Variants in HAGH observed in about 807,000 individuals in gnomAD.
HAGH encodes hydroxyacylglutathione hydrolase, also known as hydroxyacylglutathione hydrolase, mitochondrial.
A neutral mutation model predicts 35.1 loss-of-function variants in HAGH; 29 were observed. That is an observed-to-expected ratio of 0.83 (90% CI 0.62 to 1.13). The LOEUF is 1.13. HAGH is among the 50% of genes most tolerant of loss of function. HAGH has a pLI of 0.00. For missense variants in HAGH, 478 were observed against 419.6 expected, an observed-to-expected ratio of 1.14 and a Z score of -1.22; for synonymous variants, 225 against 176.1, an observed-to-expected ratio of 1.28 and a Z score of -2.20.
At chr16:1,824,928 G>T (rs567757689) in intron 1 of HAGH, among the ~76,000 whole-genome samples, 3 of 151,732 alleles carry the variant, frequency 2.0e-5, no homozygotes, top group African/African-American at 7.3e-5. Flanking sequence ...GGTGCTGGGG[G>T]CTGCAGGTGG....
intron 7 of HAGH, chr16:1,812,548 TCAGGAATGAAAG>T (rs1596913811): frequency 1.4e-5 from 2 of 146,868 alleles, no homozygotes; most frequent in East Asian, 4.0e-4. Flanking sequence ...ATTGTCAAAA[TCAGGAATGAAAG>T]CAGGAATATC....
intron 7 of HAGH, among the ~76,000 whole-genome samples, chr16:1,813,828 C>T (rs116212606): frequency 1.2e-3 from 187 of 152,360 alleles, no homozygotes; most frequent in African/African-American, 4.2e-3. Flanking sequence ...CATCAAGGTG[C>T]TGTCCTCGGA....
Position 1,826,780 on chromosome 16 carries a change from A to G in HAGH, c.8T>C (p.Val3Ala), listed in dbSNP as rs1022127539. 391 of 1,210,556 alleles carry G rather than the reference A, an allele frequency of 3.2e-4. No homozygotes were observed. The highest frequency in any genetic ancestry group is 3.9e-4 in the Non-Finnish European group (384 of 973,810). 75.0% of individuals were successfully genotyped at this position (1,210,556 alleles called of 1,614,324 possible). MV[V>A]GRGLLGRRSL... is the part of the protein sequence containing the mutation. ...GCGGCGGCCGAGCAGCCCTCGGCCC[A>G]CCACCATGACCCGGGCCGGGCTGGA... The change falls in exon 1 of 9, where the codon GTG (valine) becomes GCG (alanine). Residue 3 changes from valine to alanine, a missense_variant. Val to Ala is a moderately conservative substitution (Grantham distance 64). Coordinates refer to ENST00000397356, the MANE Select transcript of HAGH (RefSeq NM_005326.6).
intron 7 of HAGH, chr16:1,810,872 A>G (rs1389265503): frequency 6.6e-6 from 1 of 152,204 alleles, no homozygotes; most frequent in East Asian, 1.9e-4. Flanking sequence ...GTTTCTCACT[A>G]ATCTGTTCTT....
chr16:1,820,852 C>T (rs1288629877), intron 3 of HAGH, among the ~76,000 whole-genome samples: 2 of 152,194 alleles, frequency 1.3e-5, no homozygotes, highest in African/African-American at 4.8e-5. Context: ...TTGGTCTGCC[C>T]ATCACCACCC....
At chr16:1,817,902 G>C (rs948869887) in intron 5 of HAGH, among the ~76,000 whole-genome samples, 4 of 152,224 alleles carry the variant, frequency 2.6e-5, no homozygotes, top group African/African-American at 9.6e-5. Flanking sequence ...AGTCCCCTGA[G>C]AGGAGGGTGC....
chr16:1,826,847 G>T, upstream of HAGH: 1 of 1,087,764 alleles, frequency 9.2e-7, no homozygotes, highest in Non-Finnish European at 1.2e-6. Context: ...GCGTCGGCGC[G>T]TCGCAGCCAA....
chr16:1,819,161 G>GT lies in HAGH; in HGVS notation c.494dup (p.Tyr165Ter). 6.2e-7 allele frequency: 1 copy of GT among 1,613,340 alleles called. No individual in the cohort carries two copies. Among genetic ancestry groups the GT allele is most frequent in the Non-Finnish European group, 8.5e-7 (1 of 1,179,752 alleles). The change falls in exon 5 of 9, where the codon TAC (tyrosine) becomes TAAC (stop). Residue 165 changes from tyrosine to a stop codon, truncating the protein, a stop_gained and frameshift_variant. Coordinates refer to ENST00000397356, the MANE Select transcript of HAGH (RefSeq NM_005326.6). LOFTEE classifies it high-confidence loss of function. ...TPCHTSGHIC[Y>*]FVSKPGGSEP... ...CCGAGCCTCCGGGCTTGCTCACGAA[G>GT]TAACAAATGTGTCCTGAAGTGTGGC...
At position 1,812,151 on chromosome 16, in the gene HAGH, C is replaced by G. The variant is rs546678545; in HGVS notation, c.748-2318G>C. Reference sequence around the variant, plus strand: ...GTTGCAGTGAGCCGAGATTGTGCCACTGCACTCCAGCCTGGGCAGCAGAGC... The same window carrying G: ...GTTGCAGTGAGCCGAGATTGTGCCAGTGCACTCCAGCCTGGGCAGCAGAGC... On this transcript the variant is annotated intron_variant, in intron 7 of 8. Transcript: ENST00000397356. Among the ~76,000 whole-genome samples the G allele has an allele frequency of 1.5e-4, 21 of 143,168 alleles. No homozygotes were observed. In the East Asian group the frequency reaches 3.7e-3, roughly 25 times the overall value. 93.9% of individuals were successfully genotyped at this position (143,168 alleles called of 152,430 possible).
intron 2 of HAGH, among the ~76,000 whole-genome samples, 161 bp downstream of exon 2, chr16:1,822,704 G>A (rs762472515): frequency 1.3e-5 from 2 of 152,192 alleles, no homozygotes; most frequent in Admixed American, 6.5e-5. Flanking sequence ...ACTGCCTCTC[G>A]CCTCCACCCT....
chr16:1,819,036 C>G (rs1259790595), intron 5 of HAGH, 79 bp downstream of exon 5: 1 of 887,032 alleles, frequency 1.1e-6, no homozygotes, highest in Non-Finnish European at 1.9e-6. Context: ...GGCCACGAAG[C>G]TGCCCCGTGA....
At chr16:1,823,744 TAAAAAAAAAAAAAAAA>T (rs71145496) in intron 1 of HAGH, among the ~76,000 whole-genome samples, 2 of 55,922 alleles carry the variant, frequency 3.6e-5, no homozygotes, top group East Asian at 5.3e-4. Flanking sequence ...ACCTGTTCCT[TAAAAAAAAAAAAAAAA>T]AAAAAAAAAA....
Position 1,826,696 on chromosome 16 carries a change from G to A in HAGH, c.76+16C>T. On this transcript the variant is annotated intron_variant, in intron 1 of 8. Transcript: ENST00000397356. ...AGGCCCGCGTCCCCCGGCCCGCACC[G>A]CCCCGCCGCACCCACCGAGGCCTCG... 1.9e-6 allele frequency: 2 copies of A among 1,044,886 alleles called. No individual in the cohort carries two copies. The highest frequency in any genetic ancestry group is 1.2e-6 in the Non-Finnish European group (1 of 868,244). 64.7% of individuals were successfully genotyped at this position (1,044,886 alleles called of 1,614,324 possible).
chr16:1,822,936 T>C lies in HAGH; in HGVS notation c.178A>G (p.Asn60Asp). Reference protein sequence around the residue: ...KVEVLPALTDNYMYLVIDDET... With the variant: ...KVEVLPALTDDYMYLVIDDET... Reference sequence around the variant, plus strand: ...TCATCAATGACCAGGTACATGTAGTTGTCGGTCAGGGCAGGCAGCACCTCT... The same window carrying C: ...TCATCAATGACCAGGTACATGTAGTCGTCGGTCAGGGCAGGCAGCACCTCT... The change falls in exon 2 of 9, where the codon AAC becomes GAC. Residue 60 changes from asparagine (N) to aspartate (D), a missense_variant. By Grantham distance (23) the Asn-to-Asp change is conservative. Coordinates refer to ENST00000397356, the MANE Select transcript of HAGH (RefSeq NM_005326.6). 4 of 1,613,828 alleles carry C rather than the reference T, an allele frequency of 2.5e-6. No homozygotes were observed. Among genetic ancestry groups the C allele is most frequent in the Non-Finnish European group, 3.4e-6 (4 of 1,179,842 alleles).
chr16:1,815,644 A>T lies in HAGH; in HGVS notation c.747+1249T>A, dbSNP rs574434175. Among the ~76,000 whole-genome samples the T allele has an allele frequency of 4.6e-5, 7 of 152,310 alleles. No homozygotes were observed. In the East Asian group the frequency reaches 1.4e-3, roughly 29 times the overall value. ...CACAGGAGCCTTTGGGGTAGTGGTA[A>T]GTTCCACATCTGGACTGTGGAGGGG... On this transcript the variant is annotated intron_variant, in intron 7 of 8. Coordinates refer to ENST00000397356, the MANE Select transcript of HAGH (RefSeq NM_005326.6).
intron 1 of HAGH, among the ~76,000 whole-genome samples, chr16:1,825,957 G>C (rs1271441786): frequency 6.6e-6 from 1 of 152,216 alleles, no homozygotes; most frequent in Non-Finnish European, 1.5e-5. Flanking sequence ...CCTTAGAATG[G>C]GGTACGCACG....
At chr16:1,823,905 T>C (rs893466784) in intron 1 of HAGH, among the ~76,000 whole-genome samples, 1 of 152,122 alleles carries the variant, frequency 6.6e-6, no homozygotes, top group African/African-American at 2.4e-5. Flanking sequence ...AAGGCCAGCT[T>C]GTGATTGTGA....
At chr16:1,826,628 G>T (rs1898442474) in intron 1 of HAGH, 84 bp downstream of exon 1, 1 of 975,730 alleles carries the variant, frequency 1.0e-6, no homozygotes, top group South Asian at 4.5e-5. Context: ...CGCGTCAGCG[G>T]TCGCCAAACG....
chr16:1,826,742 G>A lies in HAGH; in HGVS notation c.46C>T (p.Leu16=), dbSNP rs1239112812. Reference sequence around the variant, plus strand: ...CCTCGGCGGGCGCAGGCGGCTCCCAGCGCGGCGAGGCTGCGGCGGCCGAGC... The same window carrying A: ...CCTCGGCGGGCGCAGGCGGCTCCCAACGCGGCGAGGCTGCGGCGGCCGAGC... ...GLLGRRSLAA[L]GAACARRGLG... Residue 16 remains leucine, a synonymous_variant, in exon 1 of 9, where the codon CTG becomes TTG. Coordinates refer to ENST00000397356, the MANE Select transcript of HAGH (RefSeq NM_005326.6). 8.4e-7 allele frequency: 1 copy of A among 1,188,114 alleles called. No individual in the cohort carries two copies. 73.6% of individuals were successfully genotyped at this position (1,188,114 alleles called of 1,614,324 possible).
Sources: allele counts gnomAD v4.1 joint callset (sites outside exome capture counted in the v4.1 genomes callset), GRCh38; gene constraint gnomAD v4.1.1; transcripts MANE v1.5; gene names NCBI Gene and HGNC (gene_info 2026-07-23, HGNC 2026-07-21).